PRDM15: variants seen among roughly 807,000 people sequenced by gnomAD.
The protein encoded by PRDM15 is PR domain zinc finger protein 15.
A neutral mutation model predicts 128.6 loss-of-function variants in PRDM15; 64 were observed. The ratio of observed to expected loss-of-function variants is 0.50; its 90% CI spans 0.41 to 0.61. The LOEUF (loss-of-function observed/expected upper bound fraction) is 0.61. Among genes scored for constraint, PRDM15 ranks in the 20% least tolerant of loss-of-function variants. PRDM15 has a pLI of 0.00. For missense variants in PRDM15, 1,242 were observed against 1,569.1 expected, an observed-to-expected ratio of 0.79 and a Z score of 3.52; for synonymous variants, 615 against 621.8, an observed-to-expected ratio of 0.99 and a Z score of 0.16.
intron 21 of PRDM15, among the ~76,000 whole-genome samples, chr21:41,807,778 G>C (rs1347746099): frequency 1.3e-5 from 2 of 152,268 alleles, no homozygotes; most frequent in East Asian, 3.9e-4. Flanking sequence ...AGGATAAAAG[G>C]CTGGAGAAAC....
intron 12 of PRDM15, among the ~76,000 whole-genome samples, chr21:41,826,828 T>C (rs1412899680): frequency 6.6e-6 from 1 of 152,114 alleles, no homozygotes; most frequent in Non-Finnish European, 1.5e-5. Context: ...AGCTCCAGTA[T>C]GAGGGACAAA....
intron 11 of PRDM15, among the ~76,000 whole-genome samples, chr21:41,834,807 G>A (rs563213049): frequency 2.2e-4 from 33 of 152,216 alleles, no homozygotes; most frequent in Non-Finnish European, 2.5e-4. Context: ...CAGCAAATTC[G>A]GCCAGAGAGA....
intron 4 of PRDM15, among the ~76,000 whole-genome samples, chr21:41,855,403 T>A (rs2063548467): frequency 6.6e-6 from 1 of 152,174 alleles, no homozygotes; most frequent in African/African-American, 2.4e-5. Context: ...GAAGTTCAAA[T>A]CAACCACATG....
At chr21:41,820,998 G>A (rs1373852445) in intron 16 of PRDM15, 69 bp downstream of exon 16, 7 of 1,585,238 alleles carry the variant, frequency 4.4e-6, no homozygotes, top group East Asian at 2.2e-5. Flanking sequence ...CTTATAGCAT[G>A]TGTCTCTTTG....
In PRDM15 at chr21:41,859,579, G is replaced by T; in HGVS notation, c.131+13C>A. ...GCATATGGAAGGCCCGGGAGCTCACGGCGGTCACTCACCTTGCCCTGCTTA... is the reference window on the plus strand; with the variant it reads ...GCATATGGAAGGCCCGGGAGCTCACTGCGGTCACTCACCTTGCCCTGCTTA... On this transcript the variant is annotated intron_variant, in intron 3 of 23. Transcript: ENST00000398548. The surrounding 1 kb of genome is among the most constrained non-coding windows in gnomAD (Gnocchi z 5.3). 2 of 1,610,606 alleles carry T rather than the reference G, an allele frequency of 1.2e-6. No homozygotes were observed. The highest frequency in any genetic ancestry group is 1.7e-6 in the Non-Finnish European group (2 of 1,177,256).
Position 41,801,313 on chromosome 21 carries a change from T to C in PRDM15, c.3353A>G (p.Gln1118Arg), listed in dbSNP as rs1427189924. The C allele has an allele frequency of 5.7e-6, 9 of 1,573,724 alleles. No homozygotes were observed. Among genetic ancestry groups the C allele is most frequent in the Non-Finnish European group, 7.8e-6 (9 of 1,157,472 alleles). The change falls in exon 24 of 24, where the codon CAG (glutamine) becomes CGG (arginine). Residue 1118 changes from glutamine (Q) to arginine (R), a missense_variant. Around this residue, in one of 3 missense-constraint regions of PRDM15, gnomAD observed 602 missense variants for 788.3 expected, o/e 0.76. Coordinates refer to ENST00000398548, the MANE Select transcript of PRDM15 (RefSeq NM_001040424.3). ...CTGGGCCGCCTGCTGTGGGGGTGCC[T>C]GCGGCTGCGAGGGTGGCAAGACGTC... is the stretch of plus-strand genomic sequence containing the variant. ...QTDVLPPSQP[Q>R]APPQQAAQPQ...
At chr21:41,858,505 GCACAGGCCCC>G (rs2063710554) in intron 3 of PRDM15, among the ~76,000 whole-genome samples, 1 of 151,330 alleles carries the variant, frequency 6.6e-6, no homozygotes, top group African/African-American at 2.4e-5. Flanking sequence ...GGTGCCCAGA[GCACAGGCCCC>G]TCCGACAGAG....
rs2062718985 is a variant in PRDM15, at chr21:41,832,293, C to T, written c.1366+3144G>A. 6.6e-6 allele frequency among the ~76,000 whole-genome samples: 1 copy of T among 152,168 alleles called. No individual in the cohort carries two copies. The highest frequency in any genetic ancestry group is 1.9e-4 in the East Asian group (1 of 5,188). On this transcript the variant is annotated intron_variant, in intron 11 of 23. Coordinates refer to ENST00000398548, the MANE Select transcript of PRDM15 (RefSeq NM_001040424.3). The surrounding 1 kb of genome is among the most constrained non-coding windows in gnomAD (Gnocchi z 4.2). ...GCCAAGCGCTTTGTGAAAGGCCACA[C>T]CTTACAGCGCTGTGGCATCAGATTG...
In PRDM15 at chr21:41,821,936, CGAGT is replaced by C; in HGVS notation, c.1859_1862del (p.Asp620GlyfsTer22). ...GCTTGCAGCTGTACTTGTGAGGCTC[CGAGT>C]CTGCGCTCTCGTCAGAATTGTCATC... On this transcript the variant is annotated frameshift_variant, in exon 15 of 24. Transcript: ENST00000398548. LOFTEE classifies it high-confidence loss of function. This position sits in a 1 kb window ranked among gnomAD's most constrained non-coding sequence, Gnocchi z 5.4. 1 of 1,614,188 alleles carries C rather than the reference CGAGT, an allele frequency of 6.2e-7. No individual in the cohort carries two copies. Among genetic ancestry groups the C allele is most frequent in the Non-Finnish European group, 8.5e-7 (1 of 1,180,050 alleles).
At position 41,825,851 on chromosome 21, in the gene PRDM15, AC is replaced by A; in HGVS notation, c.1629+108del. ...TAAGACAACCTGAGCACCCATCGTT[AC>A]CCCCCAAATCTTCCCTGCAATATTC... On this transcript the variant is annotated intron_variant, in intron 13 of 23. Coordinates refer to ENST00000398548, the MANE Select transcript of PRDM15 (RefSeq NM_001040424.3). 3.5e-6 allele frequency: 3 copies of A among 850,844 alleles called. No individual in the cohort carries two copies. In the South Asian group the frequency reaches 4.7e-5, roughly 13 times the overall value. The allele number at this position is 850,844 out of a possible 1,614,324, so 52.7% of individuals were successfully genotyped here.
intron 1 of PRDM15, among the ~76,000 whole-genome samples, chr21:41,872,735 T>G (rs1257048379): frequency 6.6e-6 from 1 of 152,002 alleles, no homozygotes; most frequent in African/African-American, 2.4e-5. Context: ...GTTCAGGAGG[T>G]CGGGGGATGG....
Position 41,815,582 on chromosome 21 carries a change from C to T in PRDM15, c.2392+123G>A, listed in dbSNP as rs988016207. The T allele has an allele frequency of 3.7e-6, 5 of 1,358,448 alleles. No homozygotes were observed. The East Asian group carries it at 9.6e-5, about 26-fold the overall frequency. 84.1% of individuals were successfully genotyped at this position (1,358,448 alleles called of 1,614,324 possible). On this transcript the variant is annotated intron_variant, in intron 19 of 23. Transcript: ENST00000398548. The stretch of plus-strand genomic sequence containing the variant: ...GCCCCAGGAAGCTCTCTTGGGGAAC[C>T]CGGCACTCAGTGGGAATCACAAAGA...
In PRDM15 at chr21:41,835,434, C is replaced by T. The variant is rs777689440; in HGVS notation, c.1366+3G>A. 4 of 1,606,336 alleles carry T rather than the reference C, an allele frequency of 2.5e-6. No homozygotes were observed. Among genetic ancestry groups the T allele is most frequent in the South Asian group, 2.2e-5 (2 of 91,042 alleles). ...CGAGGGGAGACGTGACCGGCGCCCT[C>T]ACCTGTCCTGCAGTTGTGGAACTCC... On this transcript the variant is annotated splice_donor_region_variant and intron_variant, in intron 11 of 23. Coordinates refer to ENST00000398548, the MANE Select transcript of PRDM15 (RefSeq NM_001040424.3).
At chr21:41,836,371 G>A (rs1187055204) in intron 9 of PRDM15, 97 bp downstream of exon 9, 2 of 1,387,832 alleles carry the variant, frequency 1.4e-6, no homozygotes, top group Non-Finnish European at 2.0e-6. Context: ...CAGCTCGTGG[G>A]AGACGACCCA....
chr21:41,875,276 T>A (rs1272021876), intron 1 of PRDM15, among the ~76,000 whole-genome samples: 1 of 152,234 alleles, frequency 6.6e-6, no homozygotes, highest in African/African-American at 2.4e-5. Flanking sequence ...ATGCAGCACT[T>A]ACCTGCCACC....
chr21:41,833,580 T>C (rs9981667), intron 11 of PRDM15, among the ~76,000 whole-genome samples: 180 of 152,384 alleles, frequency 1.2e-3, no homozygotes, highest in Non-Finnish European at 1.5e-3. Flanking sequence ...ATGCAAATCA[T>C]ATATTATGCA....
chr21:41,802,080 A>G (rs77349040), intron 23 of PRDM15, among the ~76,000 whole-genome samples: 4,526 of 152,336 alleles, frequency 0.03, 194 homozygotes, highest in African/African-American at 0.1. Context: ...ACAAAGAGCA[A>G]TAAAGGTATT....
chr21:41,819,383 G>A (rs2062166279), intron 18 of PRDM15, among the ~76,000 whole-genome samples, 199 bp downstream of exon 18: 1 of 150,534 alleles, frequency 6.6e-6, no homozygotes, highest in African/African-American at 2.5e-5. Context: ...CCCTGCAGCA[G>A]CTGAGCGGCC....
intron 1 of PRDM15, among the ~76,000 whole-genome samples, chr21:41,865,717 C>A (rs2063985255): frequency 6.6e-6 from 1 of 152,196 alleles, no homozygotes; most frequent in Admixed American, 6.5e-5. Flanking sequence ...TAATGTCATG[C>A]ACATGGTCTG....
Sources: allele counts gnomAD v4.1 joint callset (sites outside exome capture counted in the v4.1 genomes callset), GRCh38; gene constraint gnomAD v4.1.1; regional missense constraint gnomAD v4.1.1; non-coding constraint Gnocchi (gnomAD v3.1); transcripts MANE v1.5; gene names NCBI Gene and HGNC (gene_info 2026-07-23, HGNC 2026-07-21).